SHISA6: variants seen among roughly 807,000 people sequenced by gnomAD.
SHISA6 encodes shisa family member 6.
SHISA6 carries 22 observed loss-of-function variants against 47.9 expected under a neutral mutation model. The observed-to-expected ratio is 0.46, with a 90% CI of 0.33 to 0.66. The LOEUF is 0.66. SHISA6 is among the 30% of genes least tolerant of loss of function. The pLI is 0.02. For synonymous variants in SHISA6, 388 were observed against 337.8 expected (o/e 1.15, Z -1.63); for missense variants, 680 against 764.6 (o/e 0.89, Z 1.30).
chr17:11,435,429 G>A (rs984472662), intron 3 of SHISA6, among the ~76,000 whole-genome samples: 26 of 151,926 alleles, frequency 1.7e-4, no homozygotes, highest in African/African-American at 6.0e-4. Flanking sequence ...GTACCCAGAA[G>A]CCTACTAGAT....
chr17:11,531,217 G>C (rs2071729727), intron 3 of SHISA6, among the ~76,000 whole-genome samples: 1 of 3,478 alleles, frequency 2.9e-4, no homozygotes, highest in Non-Finnish European at 4.6e-4. Context: ...TACTCTGTGT[G>C]TGTGTGTGTG....
chr17:11,341,165 G>C (rs1287858121), intron 2 of SHISA6, among the ~76,000 whole-genome samples: 1 of 152,176 alleles, frequency 6.6e-6, no homozygotes. Flanking sequence ...GGGGACCCAG[G>C]ATTGAGTTTG....
rs1192526928 is a variant in SHISA6 at position 11,322,097 on chromosome 17, A to G, written c.800-57317A>G. The stretch of plus-strand genomic sequence containing the variant: ...TAATTTATCAGTATCTACCATTACT[A>G]TGAGTTAACATTATTTTCATGTGCA... On this transcript the variant is annotated intron_variant, in intron 2 of 5. Transcript: ENST00000441885. 2.6e-5 allele frequency among the ~76,000 whole-genome samples: 4 copies of G among 152,272 alleles called. No individual in the cohort carries two copies. The East Asian group carries it at 5.8e-4, about 22-fold the overall frequency.
chr17:11,306,007 C>T (rs1412626288), intron 2 of SHISA6, among the ~76,000 whole-genome samples: 1 of 152,208 alleles, frequency 6.6e-6, no homozygotes, highest in Non-Finnish European at 1.5e-5. Context: ...AACAGGACAT[C>T]TGCCACCGTG....
At position 11,362,151 on chromosome 17, in the gene SHISA6, A is replaced by G. The variant is rs569780654; in HGVS notation, c.800-17263A>G. Reference sequence around the variant, plus strand: ...TATTCCTGGGCCTAGTTTTTCTTTTAGAGACAGAATCTCAGTCTCACTCTG... The same window carrying G: ...TATTCCTGGGCCTAGTTTTTCTTTTGGAGACAGAATCTCAGTCTCACTCTG... On this transcript the variant is annotated intron_variant, in intron 2 of 5. Coordinates refer to ENST00000441885, the MANE Select transcript of SHISA6 (RefSeq NM_207386.4). Among the ~76,000 whole-genome samples, 3 of 152,154 alleles carry G rather than the reference A, an allele frequency of 2.0e-5. No individual in the cohort carries two copies. The East Asian group carries it at 5.8e-4, about 29-fold the overall frequency.
intron 3 of SHISA6, among the ~76,000 whole-genome samples, chr17:11,417,958 C>G (rs1402793616): frequency 6.6e-6 from 1 of 152,166 alleles, no homozygotes; most frequent in South Asian, 2.1e-4. Flanking sequence ...AAAAGAAGTA[C>G]TCAAGGTACT....
intron 3 of SHISA6, among the ~76,000 whole-genome samples, chr17:11,450,268 G>T (rs192473174): frequency 1.7e-4 from 26 of 152,292 alleles, no homozygotes; most frequent in African/African-American, 6.3e-4. Context: ...AATTACATCT[G>T]CAGGAACCCT....
At chr17:11,367,097 C>CA (rs1434947164) in intron 2 of SHISA6, among the ~76,000 whole-genome samples, 2 of 152,132 alleles carry the variant, frequency 1.3e-5, no homozygotes, top group African/African-American at 4.8e-5. Context: ...TTACTATCAG[C>CA]AACTCTTTTG....
At chr17:11,413,889 A>G (rs1357031081) in intron 3 of SHISA6, among the ~76,000 whole-genome samples, 3 of 152,170 alleles carry the variant, frequency 2.0e-5, no homozygotes, top group Non-Finnish European at 4.4e-5. Flanking sequence ...GCGCAGTCAC[A>G]GTGAAAAGAG....
chr17:11,314,391 A>G (rs1271998906), intron 2 of SHISA6, among the ~76,000 whole-genome samples: 2 of 151,924 alleles, frequency 1.3e-5, no homozygotes, highest in African/African-American at 4.8e-5. Context: ...TGGGGGAAAA[A>G]ACTTTAGATT....
intron 2 of SHISA6, among the ~76,000 whole-genome samples, chr17:11,366,633 G>A (rs1277222801): frequency 2.0e-5 from 3 of 152,212 alleles, no homozygotes; most frequent in African/African-American, 4.8e-5. Context: ...AGGGATGGTG[G>A]CAGCACTCCT....
At chr17:11,469,624 C>T (rs540799941) in intron 3 of SHISA6, among the ~76,000 whole-genome samples, 1 of 152,122 alleles carries the variant, frequency 6.6e-6, no homozygotes, top group African/African-American at 2.4e-5. Context: ...TCTAAATGAG[C>T]CTCGTGGGAG....
At chr17:11,485,820 G>T (rs778429853) in intron 3 of SHISA6, among the ~76,000 whole-genome samples, 1 of 151,666 alleles carries the variant, frequency 6.6e-6, no homozygotes, top group Non-Finnish European at 1.5e-5. Flanking sequence ...TTTTCATTCA[G>T]GCTGGATGTG....
At position 11,352,614 on chromosome 17, in the gene SHISA6, G is replaced by A. The variant is rs1911925668; in HGVS notation, c.800-26800G>A. ...GAGCAGCACTGAAGTTGAAGTTGGG[G>A]CGATTGGGGAACCAAGAGACCAGAG... On this transcript the variant is annotated intron_variant, in intron 2 of 5. Coordinates refer to ENST00000441885, the MANE Select transcript of SHISA6 (RefSeq NM_207386.4). 3.9e-5 allele frequency among the ~76,000 whole-genome samples: 6 copies of A among 152,264 alleles called. No individual in the cohort carries two copies. In the South Asian group the frequency reaches 1.0e-3, roughly 26 times the overall value.
intron 3 of SHISA6, among the ~76,000 whole-genome samples, chr17:11,429,893 T>C (rs947438549): frequency 5.3e-5 from 8 of 151,912 alleles, no homozygotes; most frequent in African/African-American, 1.7e-4. Context: ...TTAAACTTTA[T>C]CTGCATTTAG....
At chr17:11,345,023 A>G (rs1177941114) in intron 2 of SHISA6, among the ~76,000 whole-genome samples, 1 of 152,186 alleles carries the variant, frequency 6.6e-6, no homozygotes, top group Non-Finnish European at 1.5e-5. Context: ...ATGAGTGAGA[A>G]TATGCAGTAT....
At chr17:11,477,717 G>A (rs2969225) in intron 3 of SHISA6, among the ~76,000 whole-genome samples, 91,178 of 144,948 alleles carry the variant, frequency 0.63, 29,652 homozygotes, top group African/African-American at 0.8. Context: ...ATGATTTCCA[G>A]TTTCATCCAT....
At chr17:11,504,489 T>G (rs1037587747) in intron 3 of SHISA6, among the ~76,000 whole-genome samples, 1 of 152,168 alleles carries the variant, frequency 6.6e-6, no homozygotes, top group African/African-American at 2.4e-5. Flanking sequence ...GGTTTTGACA[T>G]GATCCTATTG....
At chr17:11,347,245 A>C (rs1222196704) in intron 2 of SHISA6, among the ~76,000 whole-genome samples, 2 of 152,176 alleles carry the variant, frequency 1.3e-5, no homozygotes, top group Admixed American at 6.5e-5. Context: ...GGATATCTAC[A>C]TTGACAAGAG....
Sources: allele counts gnomAD v4.1 joint callset (sites outside exome capture counted in the v4.1 genomes callset), GRCh38; gene constraint gnomAD v4.1.1; transcripts MANE v1.5; gene names NCBI Gene and HGNC (gene_info 2026-07-23, HGNC 2026-07-21).